Variants in RBFOX1 observed in about 807,000 individuals in gnomAD.
The protein encoded by RBFOX1 is RNA binding protein fox-1 homolog 1.
A neutral mutation model predicts 57.7 loss-of-function variants in RBFOX1; 8 were observed. That is an observed-to-expected ratio of 0.14 (90% CI 0.08 to 0.25). RBFOX1 has a LOEUF of 0.25. Among genes scored for constraint, RBFOX1 ranks in the 10% least tolerant of loss-of-function variants. The pLI is 1.00. For missense variants in RBFOX1, 611 were observed against 548.5 expected (o/e 1.11, Z -1.14); for synonymous variants, 326 against 222.4 (o/e 1.47, Z -4.15).
chr16:6,780,856 A>C (rs1416798979), intron 3 of RBFOX1, among the ~76,000 whole-genome samples: 1 of 151,852 alleles, frequency 6.6e-6, no homozygotes, highest in Admixed American at 6.6e-5. Flanking sequence ...GGGGTTTTGT[A>C]CCAAGTTGTT....
In RBFOX1 at chr16:7,443,056, C is replaced by G. The variant is rs190802611; in HGVS notation, c.28-75091C>G. Reference sequence around the variant, plus strand: ...TTACTTTGGGCAGCCCCATTCGTATCAAAACCACAAACCTTACCCTTCAGT... The same window carrying G: ...TTACTTTGGGCAGCCCCATTCGTATGAAAACCACAAACCTTACCCTTCAGT... On this transcript the variant is annotated intron_variant, in intron 4 of 15. Coordinates refer to ENST00000550418, the MANE Select transcript of RBFOX1 (RefSeq NM_018723.4). Among the ~76,000 whole-genome samples the G allele has an allele frequency of 3.3e-5, 5 of 152,278 alleles. No homozygotes were observed. In the East Asian group the frequency reaches 9.7e-4, roughly 29 times the overall value.
intron 3 of RBFOX1, among the ~76,000 whole-genome samples, chr16:6,719,348 A>T (rs909401726): frequency 6.6e-6 from 1 of 152,098 alleles, no homozygotes; most frequent in African/African-American, 2.4e-5. Flanking sequence ...CTCAGAAAAG[A>T]CCCCAGTGTT....
intron 2 of RBFOX1, among the ~76,000 whole-genome samples, chr16:6,469,163 C>A (rs187287701): frequency 6.6e-6 from 1 of 151,864 alleles, no homozygotes; most frequent in Admixed American, 6.6e-5. Flanking sequence ...TTGAAGAGAT[C>A]CTGGTAGAAA....
At chr16:7,327,138 G>A (rs1326885825) in intron 4 of RBFOX1, among the ~76,000 whole-genome samples, 1 of 152,174 alleles carries the variant, frequency 6.6e-6, no homozygotes, top group Non-Finnish European at 1.5e-5. Flanking sequence ...GGGTGGCAGG[G>A]ACAACTTTGC....
intron 3 of RBFOX1, among the ~76,000 whole-genome samples, chr16:6,811,517 C>T (rs1043788911): frequency 3.9e-5 from 6 of 152,082 alleles, no homozygotes; most frequent in African/African-American, 4.8e-5. Flanking sequence ...TGTAGCTAGT[C>T]CTCAGACCAC....
At chr16:6,492,944 T>C (rs1256395219) in intron 2 of RBFOX1, among the ~76,000 whole-genome samples, 2 of 152,220 alleles carry the variant, frequency 1.3e-5, no homozygotes, top group African/African-American at 4.8e-5. Context: ...AGTGATTATC[T>C]TTGTTGTAGC....
chr16:7,105,781 T>TAG (rs2063478262), intron 4 of RBFOX1, among the ~76,000 whole-genome samples: 1 of 87,832 alleles, frequency 1.1e-5, no homozygotes, highest in Non-Finnish European at 2.3e-5. Flanking sequence ...TATGTAGATG[T>TAG]ATATAGAGAT....
At chr16:5,732,745 G>T (rs138431112) in intron 3 of RBFOX1, among the ~76,000 whole-genome samples, 13 of 152,274 alleles carry the variant, frequency 8.5e-5, no homozygotes, top group Admixed American at 2.6e-4. Flanking sequence ...TCACTTAAGT[G>T]TGAGATTCTC....
chr16:7,695,010 A>T (rs900163752), intron 14 of RBFOX1, among the ~76,000 whole-genome samples: 1 of 152,204 alleles, frequency 6.6e-6, no homozygotes, highest in African/African-American at 2.4e-5. Context: ...TAAGCAAGTG[A>T]TCCACACACA....
At chr16:7,035,078 C>A (rs1597606027) in intron 3 of RBFOX1, among the ~76,000 whole-genome samples, 1 of 151,500 alleles carries the variant, frequency 6.6e-6, no homozygotes, top group Non-Finnish European at 1.5e-5. Context: ...AAACTTGTGG[C>A]CTCAGGTGAT....
At chr16:5,359,582 C>T (rs1038334630) in intron 1 of RBFOX1, among the ~76,000 whole-genome samples, 4 of 152,202 alleles carry the variant, frequency 2.6e-5, no homozygotes, top group East Asian at 1.9e-4. Flanking sequence ...AGCATCTTTT[C>T]ATATGCCTGT....
intron 4 of RBFOX1, among the ~76,000 whole-genome samples, chr16:7,238,334 A>AT (rs56100759): frequency 0.25 from 37,739 of 150,120 alleles, 5,095 homozygotes; most frequent in African/African-American, 0.38. Flanking sequence ...TGGTAAAAAA[A>AT]AAATAAATAA....
chr16:5,641,276 C>G (rs1404554501), intron 3 of RBFOX1, among the ~76,000 whole-genome samples: 1 of 152,206 alleles, frequency 6.6e-6, no homozygotes, highest in Non-Finnish European at 1.5e-5. Context: ...AGGCTGTGTT[C>G]TAGGTGCTGA....
chr16:6,453,490 G>A (rs1047612433), intron 2 of RBFOX1, among the ~76,000 whole-genome samples: 4 of 152,082 alleles, frequency 2.6e-5, no homozygotes, highest in East Asian at 1.9e-4. Flanking sequence ...GGAAGAAGCC[G>A]AATCCCTTAA....
intron 3 of RBFOX1, among the ~76,000 whole-genome samples, chr16:5,747,619 G>T (rs1252695096): frequency 6.6e-6 from 1 of 152,094 alleles, no homozygotes; most frequent in African/African-American, 2.4e-5. Flanking sequence ...GAGGGTGTAT[G>T]TGTTGAGGAA....
intron 3 of RBFOX1, among the ~76,000 whole-genome samples, chr16:5,677,285 G>A (rs1345060047): frequency 1.3e-5 from 2 of 152,216 alleles, no homozygotes; most frequent in African/African-American, 2.4e-5. Flanking sequence ...CCTCCTATGA[G>A]AAGGCAAGTT....
intron 4 of RBFOX1, among the ~76,000 whole-genome samples, chr16:5,978,659 TTTTTTTG>T: frequency 6.7e-6 from 1 of 148,944 alleles, no homozygotes; most frequent in South Asian, 2.1e-4. Flanking sequence ...CTCAAAGTGT[TTTTTTTG>T]TTTTTTTGTT....
chr16:6,258,666 T>A (rs2097683560), intron 1 of RBFOX1, among the ~76,000 whole-genome samples: 1 of 152,244 alleles, frequency 6.6e-6, no homozygotes, highest in African/African-American at 2.4e-5. Context: ...ACTTTTTAAC[T>A]AAGCAGGATA....
At chr16:6,674,837 G>A (rs1047126379) in intron 3 of RBFOX1, among the ~76,000 whole-genome samples, 1 of 152,144 alleles carries the variant, frequency 6.6e-6, no homozygotes, top group African/African-American at 2.4e-5. Flanking sequence ...TTTGATTTCA[G>A]ACTTCTAGCT....
Sources: gnomAD v4.1 joint callset for allele counts (sites outside exome capture counted in the v4.1 genomes callset) on GRCh38, gnomAD v4.1.1 for gene constraint, MANE v1.5 for transcripts, NCBI Gene and HGNC (gene_info 2026-07-23, HGNC 2026-07-21) for gene names.